Variants in TENM2 observed in about 807,000 individuals in gnomAD.
TENM2 encodes teneurin-2.
In TENM2, 52 loss-of-function variants were observed where a neutral mutation model predicts 245.2. The observed-to-expected ratio is 0.21, with a 90% confidence interval of 0.17 to 0.27. The LOEUF (loss-of-function observed/expected upper bound fraction) is 0.27. Ranked by LOEUF, TENM2 falls within the 10% of genes least tolerant of loss-of-function variation. TENM2 has a pLI of 1.00. For missense variants in TENM2, 3,046 were observed against 3,666.8 expected (o/e 0.83, Z 4.37); for synonymous variants, 1,363 against 1,438.9 (o/e 0.95, Z 1.19).
At chr5:168,199,190 G>C in intron 16 of TENM2, 76 bp downstream of exon 18, 1 of 1,458,700 alleles carries the variant, frequency 6.9e-7, no homozygotes, top group Non-Finnish European at 9.3e-7. Context: ...CTCTCCCCGA[G>C]TGGACCAGAA....
intron 1 of TENM2, among the ~76,000 whole-genome samples, chr5:167,351,628 C>T (rs1028913447): frequency 1.3e-5 from 2 of 152,102 alleles, no homozygotes; most frequent in South Asian, 2.1e-4. Flanking sequence ...TGATGAAAAC[C>T]GGAAGCTGAA....
At chr5:167,075,024 T>C in the TENM2 span, among the ~76,000 whole-genome samples, 1 of 152,128 alleles carries the variant, frequency 6.6e-6, no homozygotes, top group Non-Finnish European at 1.5e-5. Context: ...CTGTTTTTGC[T>C]ATTGTTCTTA....
chr5:167,549,444 C>T (rs1772786460), intron 2 of TENM2, among the ~76,000 whole-genome samples: 1 of 152,160 alleles, frequency 6.6e-6, no homozygotes, highest in Non-Finnish European at 1.5e-5. Flanking sequence ...AGCTAGTCAA[C>T]TGCTATCCAA....
chr5:167,071,127 T>A, the TENM2 span, among the ~76,000 whole-genome samples: 1 of 152,158 alleles, frequency 6.6e-6, no homozygotes, highest in Non-Finnish European at 1.5e-5. Flanking sequence ...CAGGCATAAT[T>A]ATTTTATAAA....
chr5:167,405,769 A>AACACACACACACACACACACACACACAC (rs149621688), intron 2 of TENM2, among the ~76,000 whole-genome samples: 20 of 145,168 alleles, frequency 1.4e-4, no homozygotes, highest in Admixed American at 4.2e-4. Flanking sequence ...CACACACACA[A>AACACACACACACACACACACACACACAC]ACACACACAC....
the TENM2 span, among the ~76,000 whole-genome samples, chr5:167,008,445 C>A: frequency 1.3e-5 from 2 of 152,108 alleles, no homozygotes; most frequent in Admixed American, 1.3e-4. Flanking sequence ...ACTGAGATTA[C>A]CAGTCTTTCA....
chr5:167,170,879 T>C, the TENM2 span, among the ~76,000 whole-genome samples: 2 of 143,300 alleles, frequency 1.4e-5, no homozygotes, highest in Non-Finnish European at 2.9e-5. Flanking sequence ...AAACTCTTTT[T>C]CCATTTGACT....
downstream of TENM2, chr5:168,263,094 C>T (rs1562355138): frequency 1.6e-5 from 6 of 367,538 alleles, no homozygotes; most frequent in Non-Finnish European, 2.5e-5. Context: ...AAATATGACC[C>T]ACTTGTTCTG....
At chr5:168,059,726 G>C (rs72824985) in intron 6 of TENM2, among the ~76,000 whole-genome samples, 14 of 151,988 alleles carry the variant, frequency 9.2e-5, no homozygotes, top group Non-Finnish European at 1.8e-4. Flanking sequence ...GAGAGCTCCT[G>C]ATCAACTTGT....
intron 2 of TENM2, among the ~76,000 whole-genome samples, chr5:167,833,530 C>T (rs1430393311): frequency 3.9e-5 from 6 of 152,200 alleles, no homozygotes; most frequent in Non-Finnish European, 5.9e-5. Context: ...AGTCACATGG[C>T]TCCTCCAAAG....
the TENM2 span, among the ~76,000 whole-genome samples, chr5:167,015,697 G>A: frequency 6.6e-6 from 1 of 152,028 alleles, no homozygotes; most frequent in Admixed American, 6.6e-5. Flanking sequence ...TCATGGTAAG[G>A]ATACCAACAT....
intron 7 of TENM2, among the ~76,000 whole-genome samples, chr5:168,064,528 T>A (rs1262932696): frequency 6.6e-6 from 1 of 152,218 alleles, no homozygotes; most frequent in Non-Finnish European, 1.5e-5. Flanking sequence ...GGCAGAAGCA[T>A]ACTCTACCTG....
In TENM2 at chr5:168,225,558, C is replaced by T. The variant is rs527774462; in HGVS notation, c.5109-530C>T. 1.1e-4 allele frequency among the ~76,000 whole-genome samples: 16 copies of T among 152,126 alleles called. No homozygotes were observed. In the South Asian group the frequency reaches 2.3e-3, roughly 22 times the overall value. On this transcript the variant is annotated intron_variant, in intron 23 of 28. Coordinates refer to ENST00000518659, the Ensembl canonical transcript of TENM2. ...GGTGGATCACCTGAGGTCAGGAGTT[C>T]GAGACCAGATTGGCCAACATGGCAA...
intron 5 of TENM2, among the ~76,000 whole-genome samples, chr5:168,008,079 C>A (rs954428508): frequency 6.6e-6 from 1 of 152,120 alleles, no homozygotes; most frequent in African/African-American, 2.4e-5. Context: ...TACAATTCAG[C>A]AATTGAGCTA....
the TENM2 span, among the ~76,000 whole-genome samples, chr5:167,085,859 A>G: frequency 6.6e-6 from 1 of 152,200 alleles, no homozygotes; most frequent in African/African-American, 2.4e-5. Context: ...TCGAAGTTTT[A>G]AGCAGTACAG....
chr5:168,127,551 T>C (rs1335212420), intron 12 of TENM2, among the ~76,000 whole-genome samples: 2 of 152,226 alleles, frequency 1.3e-5, no homozygotes, highest in Non-Finnish European at 2.9e-5. Context: ...TTAAAGGTCA[T>C]TTTCTTTGTT....
chr5:167,844,814 T>A (rs997929851), intron 2 of TENM2, among the ~76,000 whole-genome samples: 25 of 149,396 alleles, frequency 1.7e-4, no homozygotes, highest in African/African-American at 6.2e-4. Context: ...TTTTCAGGTA[T>A]GTAAATTTTA....
chr5:167,461,305 A>T (rs997705738), intron 2 of TENM2, among the ~76,000 whole-genome samples: 3 of 152,026 alleles, frequency 2.0e-5, no homozygotes, highest in African/African-American at 7.2e-5. Context: ...AGAAGAGAAT[A>T]AAAGAGAGAG....
At chr5:168,238,822 G>A (rs1407469378) in intron 25 of TENM2, among the ~76,000 whole-genome samples, 1 of 152,160 alleles carries the variant, frequency 6.6e-6, no homozygotes, top group Non-Finnish European at 1.5e-5. Context: ...CTAAATAGCT[G>A]AGTTTTATTA....
Sources: allele counts gnomAD v4.1 joint callset (sites outside exome capture counted in the v4.1 genomes callset), GRCh38; gene constraint gnomAD v4.1.1; transcripts MANE v1.5; gene names NCBI Gene and HGNC (gene_info 2026-07-23, HGNC 2026-07-21).